Variants in RADIL observed in about 807,000 individuals in gnomAD.
RADIL encodes Rap associating with DIL domain.
RADIL carries 99 observed loss-of-function variants against 97.6 expected under a neutral mutation model. That is an observed-to-expected ratio of 1.01 (90% CI 0.86 to 1.20). The LOEUF is 1.20. Among genes scored for constraint, RADIL ranks in the 50% most tolerant of loss-of-function variants. The pLI is 0.00. For synonymous variants in RADIL, 803 were observed against 691.8 expected, an observed-to-expected ratio of 1.16 and a Z score of -2.52; for missense variants, 1,765 against 1,498.9, an observed-to-expected ratio of 1.18 and a Z score of -2.93.
chr7:4,798,402 ACCCTC>A lies in RADIL; in HGVS notation c.*971_*975del, dbSNP rs1396465211. 1.3e-5 allele frequency: 2 copies of A among 152,154 alleles called. No individual in the cohort carries two copies. Among genetic ancestry groups the A allele is most frequent in the Non-Finnish European group, 2.9e-5 (2 of 68,046 alleles). 9.4% of individuals were successfully genotyped at this position (152,154 alleles called of 1,614,324 possible). On this transcript the variant is annotated 3_prime_UTR_variant, in exon 15 of 15. Coordinates refer to ENST00000399583, the MANE Select transcript of RADIL (RefSeq NM_018059.5). ...AGGTGCATCTGCAACTGATGCCGGG[ACCCTC>A]TTCCCCAGGGTTTCTCTGTTGCTAT...
chr7:4,839,758 T>C (rs1437985896), intron 2 of RADIL, among the ~76,000 whole-genome samples: 2 of 152,176 alleles, frequency 1.3e-5, no homozygotes, highest in Admixed American at 6.5e-5. Flanking sequence ...CCTGTTGGTT[T>C]GTTTTGGGAC....
At chr7:4,808,463 C>A (rs1269577977) in intron 9 of RADIL, 1 of 478,736 alleles carries the variant, frequency 2.1e-6, no homozygotes, top group Non-Finnish European at 2.7e-6. Context: ...CAAACTAGGG[C>A]CAGCGAGGCC....
chr7:4,806,502 G>C (rs1782313920), intron 9 of RADIL, among the ~76,000 whole-genome samples: 2 of 152,152 alleles, frequency 1.3e-5, no homozygotes, highest in Admixed American at 6.5e-5. Context: ...AAACGTTTTA[G>C]GCAAGACAAA....
At position 4,849,294 on chromosome 7, in the gene RADIL, G is replaced by A. The variant is rs1353050201; in HGVS notation, c.536-12689C>T. Among the ~76,000 whole-genome samples the A allele has an allele frequency of 6.6e-6, 1 of 152,164 alleles. No individual in the cohort carries two copies. The highest frequency in any genetic ancestry group is 1.5e-5 in the Non-Finnish European group (1 of 68,042). ...AATGAGAAACTATTGCTTTAACTGT[G>A]CACATATATATATAACTTTGGTGAA... On this transcript the variant is annotated intron_variant, in intron 2 of 14. Coordinates refer to ENST00000399583, the MANE Select transcript of RADIL (RefSeq NM_018059.5). This position sits in a 1 kb window ranked among gnomAD's most constrained non-coding sequence, Gnocchi z 5.4.
chr7:4,866,059 C>T (rs574860328), intron 2 of RADIL, among the ~76,000 whole-genome samples: 12 of 152,274 alleles, frequency 7.9e-5, no homozygotes, highest in Admixed American at 3.9e-4. Flanking sequence ...ATGGATTTCT[C>T]AAAACATATC....
intron 2 of RADIL, among the ~76,000 whole-genome samples, chr7:4,846,648 C>T (rs935368209): frequency 3.3e-5 from 5 of 150,268 alleles, no homozygotes; most frequent in Admixed American, 6.6e-5. Context: ...CAGGTTCAAG[C>T]GATTCTCCTG....
chr7:4,844,173 G>A (rs998409332), intron 2 of RADIL, among the ~76,000 whole-genome samples: 9 of 152,184 alleles, frequency 5.9e-5, no homozygotes, highest in South Asian at 2.1e-4. Flanking sequence ...GTTGCCAGGC[G>A]CAGTGGCCAA....
intron 2 of RADIL, chr7:4,861,051 C>T: frequency 6.2e-7 from 1 of 1,614,198 alleles, no homozygotes; most frequent in Non-Finnish European, 8.5e-7. Context: ...GTTCTTGCTA[C>T]TAGCATGGCC....
intron 5 of RADIL, among the ~76,000 whole-genome samples, chr7:4,823,239 TGAGGTCAGGAGTTC>T (rs1782882971): frequency 6.6e-6 from 1 of 151,372 alleles, no homozygotes; most frequent in African/African-American, 2.4e-5. Context: ...GTGGATCACC[TGAGGTCAGGAGTTC>T]GAGACCAGCC....
intron 5 of RADIL, among the ~76,000 whole-genome samples, chr7:4,830,405 C>T (rs905352815): frequency 3.3e-5 from 5 of 152,200 alleles, no homozygotes; most frequent in African/African-American, 9.7e-5. Context: ...AGTGCCCCAG[C>T]AGCGTCTAGG....
At chr7:4,845,833 G>C (rs939021573) in intron 2 of RADIL, among the ~76,000 whole-genome samples, 2 of 152,246 alleles carry the variant, frequency 1.3e-5, no homozygotes, top group African/African-American at 4.8e-5. Flanking sequence ...TAAGCCATTT[G>C]TTAGGCAGAC....
chr7:4,824,468 T>G lies in RADIL; in HGVS notation c.1455-1914A>C, dbSNP rs938622395. Among the ~76,000 whole-genome samples the G allele has an allele frequency of 6.6e-6, 1 of 152,190 alleles. No homozygotes were observed. ...GGGAAGGGCTGAGGCCCTGTTTTCC[T>G]CCCTGTTCTTTCCCCAGCTGGGCAG... On this transcript the variant is annotated intron_variant, in intron 5 of 14. Coordinates refer to ENST00000399583, the MANE Select transcript of RADIL (RefSeq NM_018059.5). This position sits in a 1 kb window ranked among gnomAD's most constrained non-coding sequence, Gnocchi z 6.7.
At chr7:4,865,211 C>G (rs1470768741) in intron 2 of RADIL, among the ~76,000 whole-genome samples, 1 of 152,220 alleles carries the variant, frequency 6.6e-6, no homozygotes, top group Non-Finnish European at 1.5e-5. Context: ...CCCCCCATTC[C>G]AAATGAGCAC....
Position 4,835,246 on chromosome 7 carries a change from CAG to C in RADIL, c.784-9_784-8del, listed in dbSNP as rs773607066. On this transcript the variant is annotated splice_polypyrimidine_tract_variant and splice_region_variant and intron_variant, in intron 3 of 14. Transcript: ENST00000399583. The surrounding 1 kb of genome is among the most constrained non-coding windows in gnomAD (Gnocchi z 5.8). ...GCACATACACCAGGCTGTCCTGAAA[CAG>C]AGACTCCGCTCAGGGCAGGCGTAAC... 7.5e-6 allele frequency: 12 copies of C among 1,607,288 alleles called. No homozygotes were observed. Among genetic ancestry groups the C allele is most frequent in the South Asian group, 3.3e-5 (3 of 90,942 alleles).
At chr7:4,816,128 AG>A in intron 8 of RADIL, 99 bp downstream of exon 8, 3 of 1,165,442 alleles carry the variant, frequency 2.6e-6, no homozygotes, top group Non-Finnish European at 3.7e-6. Context: ...GAGGCCAAAA[AG>A]GGCAGAGCCG....
At chr7:4,848,331 A>C (rs1378104239) in intron 2 of RADIL, among the ~76,000 whole-genome samples, 1 of 152,148 alleles carries the variant, frequency 6.6e-6, no homozygotes, top group Non-Finnish European at 1.5e-5. Context: ...TTATGGTATA[A>C]AAATACCTCT....
chr7:4,844,241 C>A (rs1327698749), intron 2 of RADIL, among the ~76,000 whole-genome samples: 1 of 152,000 alleles, frequency 6.6e-6, no homozygotes, highest in Non-Finnish European at 1.5e-5. Context: ...GTCAAGAGAT[C>A]GAGACCATCC....
At position 4,836,355 on chromosome 7, in the gene RADIL, C is replaced by T; in HGVS notation, c.783+3G>A. On this transcript the variant is annotated splice_donor_region_variant and intron_variant, in intron 3 of 14. Coordinates refer to ENST00000399583, the MANE Select transcript of RADIL (RefSeq NM_018059.5). ...GCAGTGGGTGTCAGGAGGGGAGGCT[C>T]ACGTGCTGCTGGCTGTAGCCCTGCA... The T allele has an allele frequency of 6.4e-7, 1 of 1,569,698 alleles. No individual in the cohort carries two copies. Among genetic ancestry groups the T allele is most frequent in the Non-Finnish European group, 8.6e-7 (1 of 1,157,160 alleles).
chr7:4,829,543 G>A (rs1456927664), intron 5 of RADIL, among the ~76,000 whole-genome samples: 5 of 152,162 alleles, frequency 3.3e-5, no homozygotes, highest in Non-Finnish European at 7.3e-5. Context: ...CTTTATGGAT[G>A]GACCATTTTT....
Sources: allele counts gnomAD v4.1 joint callset (sites outside exome capture counted in the v4.1 genomes callset), GRCh38; gene constraint gnomAD v4.1.1; non-coding constraint Gnocchi (gnomAD v3.1); transcripts MANE v1.5; gene names NCBI Gene and HGNC (gene_info 2026-07-23, HGNC 2026-07-21).